Variants in AKT3 observed in about 807,000 individuals in gnomAD.
AKT3 encodes RAC-gamma serine/threonine-protein kinase.
A neutral mutation model predicts 65.3 loss-of-function variants in AKT3; 15 were observed. That is an observed-to-expected ratio of 0.23 (90% confidence interval 0.15 to 0.35). The LOEUF is 0.35. Ranked by LOEUF, AKT3 falls within the 10% of genes least tolerant of loss-of-function variation. The pLI, the probability that AKT3 is intolerant of heterozygous loss-of-function variation, is 1.00. For synonymous variants in AKT3, 206 were observed against 183.8 expected, an observed-to-expected ratio of 1.12 and a Z score of -0.98; for missense variants, 243 against 576.5, an observed-to-expected ratio of 0.42 and a Z score of 5.92.
At chr1:243,743,253 C>A (rs1233252432) in intron 2 of AKT3, among the ~76,000 whole-genome samples, 1 of 152,138 alleles carries the variant, frequency 6.6e-6, no homozygotes, top group Admixed American at 6.5e-5. Flanking sequence ...TTTAATTATA[C>A]CCTCTACAAT....
downstream of AKT3, among the ~76,000 whole-genome samples, chr1:243,497,920 G>T (rs55655818): frequency 0.18 from 27,711 of 152,140 alleles, 2,736 homozygotes; most frequent in East Asian, 0.27. Context: ...GGACTCAAGC[G>T]ATCCTATTGC....
At chr1:243,649,639 C>T (rs1681149956) in intron 4 of AKT3, among the ~76,000 whole-genome samples, 1 of 152,018 alleles carries the variant, frequency 6.6e-6, no homozygotes, top group Admixed American at 6.6e-5. Context: ...GTTCAACTCC[C>T]ACTTATGAAT....
At chr1:243,632,034 C>T (rs1255008077) in intron 6 of AKT3, among the ~76,000 whole-genome samples, 3 of 152,158 alleles carry the variant, frequency 2.0e-5, no homozygotes, top group Non-Finnish European at 4.4e-5. Context: ...ACTTCTTACA[C>T]ACTCCTATTA....
intron 13 of AKT3, among the ~76,000 whole-genome samples, chr1:243,493,573 C>G (rs1667090550): frequency 6.6e-6 from 1 of 151,922 alleles, no homozygotes; most frequent in Admixed American, 6.6e-5. Flanking sequence ...CTGCAGTGTT[C>G]AATCTGGGGA....
chr1:243,618,650 A>C (rs1180327635), intron 6 of AKT3, among the ~76,000 whole-genome samples: 36 of 152,170 alleles, frequency 2.4e-4, no homozygotes, highest in Non-Finnish European at 1.5e-5. Flanking sequence ...CCATGGTAAA[A>C]TAGTAAATAA....
intron 2 of AKT3, among the ~76,000 whole-genome samples, chr1:243,822,053 C>A (rs796695793): frequency 6.6e-6 from 1 of 152,002 alleles, no homozygotes; most frequent in Non-Finnish European, 1.5e-5. Flanking sequence ...TAAGCAAATG[C>A]AGGAAAACTG....
intron 2 of AKT3, among the ~76,000 whole-genome samples, chr1:243,804,714 G>T (rs530584636): frequency 4.9e-4 from 74 of 152,126 alleles, no homozygotes; most frequent in African/African-American, 1.7e-3. Flanking sequence ...GGGCGTGGTG[G>T]CAGGCACCTG....
downstream of AKT3, among the ~76,000 whole-genome samples, chr1:243,496,270 C>T (rs992014224): frequency 3.9e-5 from 6 of 152,172 alleles, no homozygotes; most frequent in East Asian, 1.9e-4. Flanking sequence ...CGAGCGGGTG[C>T]GGGCGGAGCC....
intron 2 of AKT3, among the ~76,000 whole-genome samples, chr1:243,755,317 T>C (rs1012222093): frequency 6.6e-6 from 1 of 151,636 alleles, no homozygotes; most frequent in African/African-American, 2.4e-5. Context: ...CCAAGTGATC[T>C]GCCCGCCTCG....
chr1:243,529,108 G>A (rs977124698), intron 12 of AKT3, among the ~76,000 whole-genome samples: 2 of 148,642 alleles, frequency 1.3e-5, no homozygotes, highest in Non-Finnish European at 3.0e-5. Flanking sequence ...CTTCTTTTGG[G>A]AAGTGTCTGT....
At chr1:243,828,994 G>A (rs763146363) in intron 2 of AKT3, among the ~76,000 whole-genome samples, 1 of 152,156 alleles carries the variant, frequency 6.6e-6, no homozygotes, top group Non-Finnish European at 1.5e-5. Flanking sequence ...TTTATGTAAT[G>A]TGAGGCAAAA....
intron 8 of AKT3, among the ~76,000 whole-genome samples, chr1:243,573,415 A>C (rs1395736140): frequency 6.6e-6 from 1 of 152,182 alleles, no homozygotes; most frequent in Non-Finnish European, 1.5e-5. Flanking sequence ...ATAAATGAAC[A>C]CAAGCACAGA....
intron 9 of AKT3, among the ~76,000 whole-genome samples, chr1:243,565,841 T>C (rs1355797089): frequency 2.0e-5 from 3 of 149,674 alleles, no homozygotes. Context: ...TAAAAATGTA[T>C]ATGCCCTTTT....
At chr1:243,684,097 T>G (rs2147985424) in intron 3 of AKT3, among the ~76,000 whole-genome samples, 1 of 152,230 alleles carries the variant, frequency 6.6e-6, no homozygotes, top group East Asian at 1.9e-4. Flanking sequence ...TAGATCTTAT[T>G]TATTTTTTTT....
At chr1:243,696,118 T>C (rs1257450288) in intron 2 of AKT3, among the ~76,000 whole-genome samples, 2 of 151,726 alleles carry the variant, frequency 1.3e-5, no homozygotes, top group East Asian at 1.9e-4. Flanking sequence ...AGGCAAGAAA[T>C]AGATGTTTCT....
intron 13 of AKT3, among the ~76,000 whole-genome samples, chr1:243,511,727 G>C (rs1452643913): frequency 6.6e-6 from 1 of 152,062 alleles, no homozygotes; most frequent in Non-Finnish European, 1.5e-5. Flanking sequence ...ACTTATTTAT[G>C]GTATTTCTCC....
intron 2 of AKT3, among the ~76,000 whole-genome samples, chr1:243,823,972 C>T (rs937117966): frequency 6.6e-5 from 10 of 152,168 alleles, no homozygotes; most frequent in African/African-American, 2.4e-4. Flanking sequence ...GCAAAAAGAA[C>T]AAAGCTGGAG....
At chr1:243,768,508 A>T (rs1181248074) in intron 2 of AKT3, among the ~76,000 whole-genome samples, 1 of 152,096 alleles carries the variant, frequency 6.6e-6, no homozygotes, top group Non-Finnish European at 1.5e-5. Flanking sequence ...CCTATCAAAA[A>T]CAGTTCATTT....
chr1:243,772,353 ACC>A (rs1404996144), intron 2 of AKT3, among the ~76,000 whole-genome samples: 2 of 152,130 alleles, frequency 1.3e-5, no homozygotes, highest in Non-Finnish European at 2.9e-5. Context: ...GAAAAAAACA[ACC>A]CCATCAAAAA....
Sources: allele counts gnomAD v4.1 joint callset (sites outside exome capture counted in the v4.1 genomes callset), GRCh38; gene constraint gnomAD v4.1.1; transcripts MANE v1.5; gene names NCBI Gene and HGNC (gene_info 2026-07-23, HGNC 2026-07-21).